The following TNS3 variants were observed in gnomAD, a reference collection of about 807,000 sequenced individuals.
TNS3 encodes tensin-3.
TNS3 carries 45 observed loss-of-function variants against 140.9 expected under a neutral mutation model. That is an observed-to-expected ratio of 0.32 (90% confidence interval 0.25 to 0.41). TNS3 has a LOEUF of 0.41. Among genes scored for constraint, TNS3 ranks in the 10% least tolerant of loss-of-function variants. The pLI is 1.00. For synonymous variants in TNS3, 815 were observed against 788.4 expected, an observed-to-expected ratio of 1.03 and a Z score of -0.56; for missense variants, 1,716 against 1,906.7, an observed-to-expected ratio of 0.90 and a Z score of 1.86.
chr7:47,309,434 A>G (rs1786954992), intron 20 of TNS3, among the ~76,000 whole-genome samples: 1 of 152,212 alleles, frequency 6.6e-6, no homozygotes, highest in Admixed American at 6.5e-5. Flanking sequence ...TGTTTAAAAC[A>G]TAACTGTGGA....
At chr7:47,363,928 C>T (rs1348002596) in intron 17 of TNS3, among the ~76,000 whole-genome samples, 2 of 152,300 alleles carry the variant, frequency 1.3e-5, no homozygotes, top group African/African-American at 4.8e-5. Context: ...TCCAGCTCAA[C>T]AGCCCTGGTC....
At chr7:47,516,648 A>G (rs1289744191) in intron 2 of TNS3, among the ~76,000 whole-genome samples, 1 of 152,188 alleles carries the variant, frequency 6.6e-6, no homozygotes, top group Non-Finnish European at 1.5e-5. Context: ...CTAATGCCCC[A>G]TCTACACATG....
rs115728431 is a variant in TNS3, at chr7:47,283,965, A to C, written c.3929-100T>G. On this transcript the variant is annotated intron_variant, in intron 27 of 30. Transcript: ENST00000311160. ...TGCTGATGTGCAGACTGGGTTTATGAACAACTTGCGCATGTGGCCTATGCT... is the reference window on the plus strand; with the variant it reads ...TGCTGATGTGCAGACTGGGTTTATGCACAACTTGCGCATGTGGCCTATGCT... The C allele has an allele frequency of 2.6e-3, 3,147 of 1,202,540 alleles. 65 individuals are homozygous for C. In the African/African-American group the frequency reaches 0.044, roughly 17 times the overall value. The allele number at this position is 1,202,540 out of a possible 1,614,324, so 74.5% of individuals were successfully genotyped here.
intron 20 of TNS3, among the ~76,000 whole-genome samples, chr7:47,325,471 G>A (rs1340928812): frequency 6.6e-6 from 1 of 152,196 alleles, no homozygotes; most frequent in Non-Finnish European, 1.5e-5. Context: ...AGGCCACTCT[G>A]CTATCTCGTG....
chr7:47,319,193 G>A (rs1214220083), intron 20 of TNS3, among the ~76,000 whole-genome samples: 1 of 152,186 alleles, frequency 6.6e-6, no homozygotes, highest in Non-Finnish European at 1.5e-5. Context: ...AGGTTTATTT[G>A]GCTCACGGTT....
At chr7:47,419,578 C>A (rs961590963) in intron 10 of TNS3, among the ~76,000 whole-genome samples, 1 of 152,182 alleles carries the variant, frequency 6.6e-6, no homozygotes, top group African/African-American at 2.4e-5. Context: ...TAATGCAAGA[C>A]CACCACATTG....
At chr7:47,434,702 G>GT (rs1401832849) in intron 8 of TNS3, among the ~76,000 whole-genome samples, 1 of 152,216 alleles carries the variant, frequency 6.6e-6, no homozygotes, top group African/African-American at 2.4e-5. Context: ...AGGAGGAGGA[G>GT]TGCCCACCAG....
chr7:47,541,960 A>T (rs962603677), intron 1 of TNS3, among the ~76,000 whole-genome samples: 12 of 150,524 alleles, frequency 8.0e-5, no homozygotes, highest in African/African-American at 2.5e-4. Context: ...AAAAAAAAAA[A>T]GCAAATGACC....
chr7:47,511,881 T>A (rs768297072), intron 2 of TNS3, among the ~76,000 whole-genome samples: 1 of 152,208 alleles, frequency 6.6e-6, no homozygotes, highest in Non-Finnish European at 1.5e-5. Context: ...CACCTCCCCC[T>A]GCAGAAGACA....
intron 13 of TNS3, among the ~76,000 whole-genome samples, chr7:47,410,628 C>T (rs983651449): frequency 1.3e-5 from 2 of 152,192 alleles, no homozygotes; most frequent in African/African-American, 2.4e-5. Flanking sequence ...GGGAGTTCAC[C>T]ATCCACTAAG....
At chr7:47,352,307 TTCAGTC>T (rs1789730544) in intron 17 of TNS3, among the ~76,000 whole-genome samples, 1 of 151,542 alleles carries the variant, frequency 6.6e-6, no homozygotes. Context: ...CACACTCACA[TTCAGTC>T]TCAGTCTTGT....
chr7:47,441,939 T>A, intron 5 of TNS3, 64 bp downstream of exon 5: 2 of 1,175,806 alleles, frequency 1.7e-6, no homozygotes, highest in Non-Finnish European at 1.1e-6. Context: ...TGCCCAAGTT[T>A]CCTCTGTAGA....
rs575161070 is a variant in TNS3 at position 47,401,916 on chromosome 7, A to G, written c.724-1002T>C. On this transcript the variant is annotated intron_variant, in intron 13 of 30. Coordinates refer to ENST00000311160, the MANE Select transcript of TNS3 (RefSeq NM_022748.12). ...CAGACCAAATCGTGCACAGGCAGGT[A>G]CCTCCCCAACCCCGAGGCTGTGGGG... is the stretch of plus-strand genomic sequence containing the variant. 2.6e-5 allele frequency among the ~76,000 whole-genome samples: 4 copies of G among 152,242 alleles called. No homozygotes were observed. In the South Asian group the frequency reaches 8.3e-4, roughly 32 times the overall value.
At chr7:47,545,634 T>C (rs1033733459) in intron 1 of TNS3, among the ~76,000 whole-genome samples, 6 of 152,302 alleles carry the variant, frequency 3.9e-5, no homozygotes, top group Non-Finnish European at 7.4e-5. Context: ...CACCCACAGA[T>C]AGCCATCTCA....
chr7:47,435,401 T>C lies in TNS3; in HGVS notation c.205A>G (p.Met69Val). ...YDLTKLNPKI[M>V]DVGWPELHAP... ...TGGAGCTCTGGCCAGCCCACATCCA[T>C]GATCTGCAACAAGAAAGGGGAGCTT... is the stretch of plus-strand genomic sequence containing the variant. Residue 69 changes from methionine (M) to valine (V), a missense_variant, in exon 8 of 31, where the codon ATG (methionine) becomes GTG (valine). By Grantham distance (21) the Met-to-Val change is conservative (BLOSUM62 1). This residue lies in a region of TNS3 where 337 missense variants were observed against 428.9 expected (regional missense o/e 0.79). Transcript: ENST00000311160. 1.2e-6 allele frequency: 2 copies of C among 1,613,626 alleles called. No individual in the cohort carries two copies. Among genetic ancestry groups the C allele is most frequent in the South Asian group, 1.1e-5 (1 of 91,078 alleles).
intron 2 of TNS3, among the ~76,000 whole-genome samples, chr7:47,523,991 T>C (rs1285150166): frequency 6.6e-6 from 1 of 152,152 alleles, no homozygotes; most frequent in Non-Finnish European, 1.5e-5. Context: ...ATGCATGCAC[T>C]GCAGGCACCC....
chr7:47,441,873 G>T, intron 5 of TNS3, 130 bp downstream of exon 5: 1 of 665,400 alleles, frequency 1.5e-6, no homozygotes, highest in Non-Finnish European at 2.4e-6. Context: ...ACCTTTGATT[G>T]GCAATGTTTA....
In TNS3 at chr7:47,507,216, A is replaced by G. The variant is rs554713639; in HGVS notation, c.-152-272T>C. 2.0e-5 allele frequency among the ~76,000 whole-genome samples: 3 copies of G among 152,294 alleles called. No individual in the cohort carries two copies. The East Asian group carries it at 5.8e-4, about 29-fold the overall frequency. ...GGAATGTCTTGGGAGCACGGTCATG[A>G]GCAGATTGGTTTTTCAAGGGGTCAT... On this transcript the variant is annotated intron_variant, in intron 2 of 30. Coordinates refer to ENST00000311160, the MANE Select transcript of TNS3 (RefSeq NM_022748.12).
rs111412795 is a variant in TNS3 at position 47,331,180 on chromosome 7, T to C, written c.2650+13575A>G. On this transcript the variant is annotated intron_variant, in intron 20 of 30. Coordinates refer to ENST00000311160, the MANE Select transcript of TNS3 (RefSeq NM_022748.12). The stretch of plus-strand genomic sequence containing the variant: ...GCAGTTCTCGAAGGCCTGGGAAGGA[T>C]AGTCAGGGTGACCCACAGGTTCTGT... Among the ~76,000 whole-genome samples, 429 of 152,256 alleles carry C rather than the reference T, an allele frequency of 2.8e-3. 1 individual carries two copies. The highest frequency in any genetic ancestry group is 9.6e-3 in the African/African-American group (399 of 41,544).
Sources: allele counts gnomAD v4.1 joint callset (sites outside exome capture counted in the v4.1 genomes callset), GRCh38; gene constraint gnomAD v4.1.1; regional missense constraint gnomAD v4.1.1; transcripts MANE v1.5; gene names NCBI Gene and HGNC (gene_info 2026-07-23, HGNC 2026-07-21).